ADAM19: variants seen among roughly 807,000 people sequenced by gnomAD.
The protein encoded by ADAM19 is disintegrin and metalloproteinase domain-containing protein 19.
Under a neutral mutation model 114.7 loss-of-function variants are expected in ADAM19, and 65 were observed. The ratio of observed to expected loss-of-function variants is 0.57; its 90% CI spans 0.46 to 0.70. ADAM19 has a LOEUF of 0.70. ADAM19 is among the 30% of genes least tolerant of loss of function. The pLI is 0.00. For missense variants in ADAM19, 1,063 were observed against 1,204.7 expected (o/e 0.88, Z 1.74); for synonymous variants, 466 against 460.5 (o/e 1.01, Z -0.15).
rs369428384 is a variant in ADAM19 at position 157,480,747 on chromosome 5, A to G, written c.*202T>C. The G allele has an allele frequency of 7.0e-7, 1 of 1,425,246 alleles. No homozygotes were observed. The highest frequency in any genetic ancestry group is 1.4e-5 in the African/African-American group (1 of 69,390). 88.3% of individuals were successfully genotyped at this position (1,425,246 alleles called of 1,614,324 possible). Reference sequence around the variant, plus strand: ...TTGCACAAAACAACACCTAGAGGCCATCAGATCATAGTCCCTCTGGGCTTC... The same window carrying G: ...TTGCACAAAACAACACCTAGAGGCCGTCAGATCATAGTCCCTCTGGGCTTC... On this transcript the variant is annotated 3_prime_UTR_variant, in exon 23 of 23. Coordinates refer to ENST00000257527, the MANE Select transcript of ADAM19 (RefSeq NM_033274.5).
chr5:157,527,921 C>G (rs1178013794), intron 5 of ADAM19, among the ~76,000 whole-genome samples: 3 of 152,114 alleles, frequency 2.0e-5, no homozygotes, highest in Non-Finnish European at 4.4e-5. Flanking sequence ...GGGGGCCTAG[C>G]AACCACCTAG....
intron 3 of ADAM19, among the ~76,000 whole-genome samples, chr5:157,546,188 A>G (rs937478518): frequency 6.6e-6 from 1 of 152,246 alleles, no homozygotes; most frequent in Non-Finnish European, 1.5e-5. Context: ...TGGTCCCCAG[A>G]AGGCACTGTT....
At chr5:157,489,401 T>C (rs1668047093) in intron 19 of ADAM19, among the ~76,000 whole-genome samples, 1 of 152,176 alleles carries the variant, frequency 6.6e-6, no homozygotes, top group Non-Finnish European at 1.5e-5. Context: ...GTTGGCCTTA[T>C]ACAAAGCAGA....
In ADAM19 at chr5:157,484,083, G is replaced by A. The variant is rs183607112; in HGVS notation, c.2551-2140C>T. The stretch of plus-strand genomic sequence containing the variant: ...ACATTTCATGGATTCTGTCCTTCCT[G>A]TGTTACTATTACCTTCATGTTCTCA... On this transcript the variant is annotated intron_variant, in intron 21 of 22. Transcript: ENST00000257527. 1.2e-4 allele frequency among the ~76,000 whole-genome samples: 18 copies of A among 151,812 alleles called. No homozygotes were observed. The East Asian group carries it at 3.3e-3, about 28-fold the overall frequency.
At chr5:157,494,418 G>T (rs1755283029) in intron 15 of ADAM19, among the ~76,000 whole-genome samples, 2 of 152,262 alleles carry the variant, frequency 1.3e-5, no homozygotes, top group South Asian at 2.1e-4. Context: ...ACCCAAAAGG[G>T]CTGATTCCCT....
chr5:157,488,334 C>A lies in ADAM19; in HGVS notation c.2481G>T (p.Arg827Ser). The change falls in exon 21 of 23, where the codon AGG (arginine) becomes AGT (serine). Residue 827 changes from arginine (R) to serine (S), a missense_variant. By Grantham distance (110) the Arg-to-Ser change is moderately radical (BLOSUM62 -1). Around this residue, in one of 3 missense-constraint regions of ADAM19, gnomAD observed 424 missense variants for 445.5 expected, o/e 0.95. Transcript: ENST00000257527. ...GAGGAGGCCTCCTGGACGACTCCGT[C>A]CTCTCTATTTGAGACCCGGGCCCTG... ...NSPGPGSQIE[R>S]TESSRRPPPS... 1 of 1,614,212 alleles carries A rather than the reference C, an allele frequency of 6.2e-7. No homozygotes were observed. The highest frequency in any genetic ancestry group is 8.5e-7 in the Non-Finnish European group (1 of 1,180,024).
At chr5:157,566,372 C>A (rs997246395) in intron 2 of ADAM19, 1 of 152,162 alleles carries the variant, frequency 6.6e-6, no homozygotes, top group African/African-American at 2.4e-5. Flanking sequence ...ATAAGCCTAA[C>A]CATTACCATA....
intron 3 of ADAM19, among the ~76,000 whole-genome samples, chr5:157,554,027 G>GA (rs1049785238): frequency 1.1e-4 from 17 of 151,588 alleles, no homozygotes; most frequent in Non-Finnish European, 2.2e-4. Context: ...ATTTCCAAGT[G>GA]AAAAAAAATA....
At chr5:157,488,606 C>T (rs1755037294) in intron 20 of ADAM19, 117 bp from the exon 21 acceptor site, 1 of 767,506 alleles carries the variant, frequency 1.3e-6, no homozygotes, top group Non-Finnish European at 2.0e-6. Context: ...TCTATTAAAC[C>T]CCTGAGGATC....
At chr5:157,553,132 G>A (rs1757251377) in intron 3 of ADAM19, among the ~76,000 whole-genome samples, 1 of 152,124 alleles carries the variant, frequency 6.6e-6, no homozygotes, top group African/African-American at 2.4e-5. Flanking sequence ...GCACAACAAG[G>A]TGACTACAGT....
At chr5:157,491,587 G>T (rs751160317) in intron 18 of ADAM19, 28 bp downstream of exon 18, 1 of 1,432,320 alleles carries the variant, frequency 7.0e-7, no homozygotes, top group East Asian at 2.5e-5. Context: ...ACAAAAGCGG[G>T]CAGTGGCCCC....
chr5:157,505,454 G>T (rs189482258), intron 11 of ADAM19, among the ~76,000 whole-genome samples: 90 of 152,268 alleles, frequency 5.9e-4, no homozygotes, highest in African/African-American at 2.2e-3. Context: ...TAAATCTAGG[G>T]TTACACCAGC....
At position 157,564,983 on chromosome 5, in the gene ADAM19, G is replaced by A. The variant is rs115481998; in HGVS notation, c.181-540C>T. 8.9e-4 allele frequency among the ~76,000 whole-genome samples: 136 copies of A among 152,298 alleles called. 2 individuals carry two copies. Among genetic ancestry groups the A allele is most frequent in the African/African-American group, 2.8e-3 (118 of 41,556 alleles). On this transcript the variant is annotated intron_variant, in intron 2 of 22. Transcript: ENST00000257527. ...TTGCCTATTATCTTGTAAAATACTAGGGGATCCTCTTCGTAGTGGGTTCTT... is the reference window on the plus strand; with the variant it reads ...TTGCCTATTATCTTGTAAAATACTAAGGGATCCTCTTCGTAGTGGGTTCTT...
chr5:157,541,028 A>G lies in ADAM19; in HGVS notation c.252-3037T>C, dbSNP rs530883073. On this transcript the variant is annotated intron_variant, in intron 3 of 22. Transcript: ENST00000257527. ...AGAAACTCTAGGGTTAGGGCCAGCC[A>G]TCTGTTTGAACAACTCTGCAGCTCC... 1.8e-4 allele frequency among the ~76,000 whole-genome samples: 28 copies of G among 152,220 alleles called. 1 individual carries two copies. The East Asian group carries it at 5.2e-3, about 28-fold the overall frequency.
rs781352367 is a variant in ADAM19, at chr5:157,507,057, A to G, written c.989T>C (p.Met330Thr). The G allele has an allele frequency of 6.8e-6, 11 of 1,613,928 alleles. No individual in the cohort carries two copies. In the Admixed American group the frequency reaches 1.8e-4, roughly 27 times the overall value. ...GCACACACACGGGCTGAGACTCACC[A>G]TGTTGACTCCTCCAGACTGGTACAC... ...CSVYQSGGVN[M>T]DHSENAIGVA... The change falls in exon 10 of 23, where the codon ATG becomes ACG. Residue 330 changes from methionine to threonine, a missense_variant and splice_region_variant. By Grantham distance (81) the Met-to-Thr change is moderately conservative. This residue lies in a region of ADAM19 where 615 missense variants were observed against 706.3 expected (regional missense o/e 0.87). Transcript: ENST00000257527.
intron 7 of ADAM19, among the ~76,000 whole-genome samples, chr5:157,516,055 T>C (rs1459506393): frequency 6.6e-6 from 1 of 152,134 alleles, no homozygotes; most frequent in East Asian, 1.9e-4. Context: ...TTATAAATCA[T>C]GGTAAAGCAG....
rs1755765295 is a variant in ADAM19 at position 157,507,043 on chromosome 5, G to A, written c.990+13C>T. 1 of 1,613,082 alleles carries A rather than the reference G, an allele frequency of 6.2e-7. No individual in the cohort carries two copies. Among genetic ancestry groups the A allele is most frequent in the Non-Finnish European group, 8.5e-7 (1 of 1,179,152 alleles). On this transcript the variant is annotated intron_variant, in intron 10 of 22. Coordinates refer to ENST00000257527, the MANE Select transcript of ADAM19 (RefSeq NM_033274.5). ...GCGCCTTCTGCAGCGCACACACACG[G>A]GCTGAGACTCACCATGTTGACTCCT... is the stretch of plus-strand genomic sequence containing the variant.
chr5:157,497,071 G>A lies in ADAM19; in HGVS notation c.1417C>T (p.Leu473=). The change falls in exon 14 of 23, where the codon CTG becomes TTG. Residue 473 remains leucine (L), a synonymous_variant. Coordinates refer to ENST00000257527, the MANE Select transcript of ADAM19 (RefSeq NM_033274.5). ...HQCKLLAPGT[L]CREQARQCDL... ...CACTGCCTGGCCTGCTCGCGGCACA[G>A]GGTCCCAGGAGCCAACAGCTGAGCC... 1.3e-6 allele frequency: 2 copies of A among 1,533,964 alleles called. No individual in the cohort carries two copies. Among genetic ancestry groups the A allele is most frequent in the Non-Finnish European group, 1.7e-6 (2 of 1,147,084 alleles).
intron 5 of ADAM19, among the ~76,000 whole-genome samples, chr5:157,525,580 C>A (rs1332695680): frequency 6.6e-6 from 1 of 152,124 alleles, no homozygotes; most frequent in Non-Finnish European, 1.5e-5. Context: ...CCCCCACTGA[C>A]CACCCACCCC....
Sources: gnomAD v4.1 joint callset for allele counts (sites outside exome capture counted in the v4.1 genomes callset) on GRCh38, gnomAD v4.1.1 for gene constraint, gnomAD v4.1.1 regional missense constraint, MANE v1.5 for transcripts, NCBI Gene and HGNC (gene_info 2026-07-23, HGNC 2026-07-21) for gene names.